ICA1: variants seen among roughly 807,000 people sequenced by gnomAD.
ICA1 encodes 69 kDa islet cell autoantigen.
Under a neutral mutation model 71.0 loss-of-function variants are expected in ICA1, and 40 were observed. That is an observed-to-expected ratio of 0.56 (90% CI 0.44 to 0.73). The LOEUF (loss-of-function observed/expected upper bound fraction) is 0.73, where lower values mean the gene tolerates loss of function less well. Ranked by LOEUF, ICA1 falls within the 30% of genes least tolerant of loss-of-function variation. The probability of loss-of-function intolerance (pLI) is 0.00; values close to 1 mark genes in which losing one functional copy is unlikely to be tolerated. For missense variants in ICA1, 578 were observed against 576.5 expected, an observed-to-expected ratio of 1.00 and a Z score of -0.03; for synonymous variants, 207 against 209.5, an observed-to-expected ratio of 0.99 and a Z score of 0.10.
chr7:8,189,484 GC>G (rs1784885403), intron 6 of ICA1, among the ~76,000 whole-genome samples: 1 of 152,220 alleles, frequency 6.6e-6, no homozygotes, highest in Non-Finnish European at 1.5e-5. Flanking sequence ...ACAGAAGACA[GC>G]CCCCACAGTC....
intron 3 of ICA1, among the ~76,000 whole-genome samples, chr7:8,231,407 C>T (rs1800242281): frequency 6.6e-6 from 1 of 152,076 alleles, no homozygotes; most frequent in Admixed American, 6.5e-5. Flanking sequence ...ATAAAACACA[C>T]TCATAAACAT....
At chr7:8,126,370 T>C (rs1005327187) in intron 13 of ICA1, among the ~76,000 whole-genome samples, 4 of 152,200 alleles carry the variant, frequency 2.6e-5, no homozygotes, top group African/African-American at 9.6e-5. Flanking sequence ...CCTTACTCAT[T>C]TGCAGCTCCC....
In ICA1 at chr7:8,255,080, A is replaced by G. The variant is rs1441433558; in HGVS notation, c.-80+7014T>C. Among the ~76,000 whole-genome samples, 6 of 152,000 alleles carry G rather than the reference A, an allele frequency of 3.9e-5. No homozygotes were observed. The East Asian group carries it at 1.2e-3, about 29-fold the overall frequency. ...TCGCTTCCTTCTCCCTAGGAAGGACAGCTCCTACACTCTTACCCCTGCCCA... is the reference window on the plus strand; with the variant it reads ...TCGCTTCCTTCTCCCTAGGAAGGACGGCTCCTACACTCTTACCCCTGCCCA... On this transcript the variant is annotated intron_variant, in intron 1 of 13. Transcript: ENST00000402384.
chr7:8,156,924 T>G, intron 8 of ICA1, 192 bp downstream of exon 8: 1 of 1,524,900 alleles, frequency 6.6e-7, no homozygotes, highest in Non-Finnish European at 8.8e-7. Context: ...TGAATCCTGA[T>G]GCAGTAAAAA....
chr7:8,121,320 C>T (rs1395276832), intron 13 of ICA1, among the ~76,000 whole-genome samples: 5 of 152,198 alleles, frequency 3.3e-5, no homozygotes, highest in Non-Finnish European at 5.9e-5. Flanking sequence ...TGAACATTTA[C>T]TGTATTCCAG....
chr7:8,199,547 C>A (rs1375273290), intron 6 of ICA1, among the ~76,000 whole-genome samples: 1 of 152,064 alleles, frequency 6.6e-6, no homozygotes, highest in East Asian at 1.9e-4. Context: ...CCTGTCTCTA[C>A]TAAAAAAATA....
intron 6 of ICA1, among the ~76,000 whole-genome samples, chr7:8,199,193 G>C (rs1788699575): frequency 2.0e-5 from 3 of 152,156 alleles, no homozygotes. Context: ...TAAAAGTAGA[G>C]CTACCATATG....
intron 1 of ICA1, among the ~76,000 whole-genome samples, chr7:8,256,933 A>AT (rs1810433975): frequency 6.6e-6 from 1 of 152,224 alleles, no homozygotes; most frequent in South Asian, 2.1e-4. Context: ...ATATCAACCC[A>AT]TTTTGCAAGT....
At chr7:8,114,423 C>G (rs1784137499) in intron 13 of ICA1, among the ~76,000 whole-genome samples, 1 of 152,192 alleles carries the variant, frequency 6.6e-6, no homozygotes, top group African/African-American at 2.4e-5. Flanking sequence ...AAGGGGCTTT[C>G]CACTGTCTGC....
intron 6 of ICA1, among the ~76,000 whole-genome samples, chr7:8,214,421 G>T (rs1794756914): frequency 6.6e-6 from 1 of 152,176 alleles, no homozygotes; most frequent in Non-Finnish European, 1.5e-5. Context: ...TGGTCTTGGG[G>T]TGAATCACGC....
intron 6 of ICA1, among the ~76,000 whole-genome samples, chr7:8,194,859 A>G (rs1786891735): frequency 6.6e-6 from 1 of 152,112 alleles, no homozygotes. Context: ...TAAATCTCCA[A>G]TCTCCATGCA....
At chr7:8,162,664 C>A (rs944677137) in intron 6 of ICA1, among the ~76,000 whole-genome samples, 27 of 152,110 alleles carry the variant, frequency 1.8e-4, no homozygotes, top group African/African-American at 5.8e-4. Context: ...TTTTGAAGGC[C>A]CTTTTAAAAT....
intron 6 of ICA1, among the ~76,000 whole-genome samples, chr7:8,215,989 T>C (rs1795280747): frequency 1.3e-5 from 2 of 152,258 alleles, no homozygotes; most frequent in South Asian, 4.1e-4. Context: ...TTAAATGTCA[T>C]GTTGTAAACT....
At chr7:8,231,849 T>C (rs1583540114) in intron 3 of ICA1, among the ~76,000 whole-genome samples, 1 of 152,220 alleles carries the variant, frequency 6.6e-6, no homozygotes, top group Non-Finnish European at 1.5e-5. Flanking sequence ...TTCTGGACAC[T>C]CCGAAAACTT....
chr7:8,136,321 A>G (rs1186148003), intron 12 of ICA1, among the ~76,000 whole-genome samples: 1 of 152,192 alleles, frequency 6.6e-6, no homozygotes, highest in African/African-American at 2.4e-5. Context: ...CCCAAGTCCT[A>G]TAAAGTCAGC....
intron 6 of ICA1, among the ~76,000 whole-genome samples, chr7:8,207,254 C>T (rs905424687): frequency 6.6e-6 from 1 of 152,118 alleles, no homozygotes; most frequent in Non-Finnish European, 1.5e-5. Context: ...TGTTACCAAG[C>T]CCGAAAATCA....
intron 13 of ICA1, among the ~76,000 whole-genome samples, chr7:8,120,566 G>T (rs1786517426): frequency 6.6e-6 from 1 of 152,190 alleles, no homozygotes; most frequent in African/African-American, 2.4e-5. Flanking sequence ...ACATGAAGGT[G>T]TGGCTAGAAA....
At chr7:8,135,096 G>A (rs1792935799) in intron 12 of ICA1, among the ~76,000 whole-genome samples, 2 of 151,940 alleles carry the variant, frequency 1.3e-5, no homozygotes, top group Admixed American at 6.6e-5. Context: ...GTGCAATCTC[G>A]GTTCACTGCA....
intron 6 of ICA1, among the ~76,000 whole-genome samples, chr7:8,194,298 T>C (rs1457906707): frequency 6.6e-6 from 1 of 152,174 alleles, no homozygotes; most frequent in Non-Finnish European, 1.5e-5. Flanking sequence ...ATGTAATAAA[T>C]GTTAATATCA....
Sources: allele counts gnomAD v4.1 joint callset (sites outside exome capture counted in the v4.1 genomes callset), GRCh38; gene constraint gnomAD v4.1.1; transcripts MANE v1.5; gene names NCBI Gene and HGNC (gene_info 2026-07-23, HGNC 2026-07-21).